CADM2: variants seen among roughly 807,000 people sequenced by gnomAD.
CADM2 encodes cell adhesion molecule 2.
A neutral mutation model predicts 49.8 loss-of-function variants in CADM2; 12 were observed. The ratio of observed to expected loss-of-function variants is 0.24; its 90% CI spans 0.15 to 0.39. The LOEUF is 0.39. Ranked by LOEUF, CADM2 falls within the 10% of genes least tolerant of loss-of-function variation. CADM2 has a pLI of 1.00. For missense variants in CADM2, 378 were observed against 492.3 expected, an observed-to-expected ratio of 0.77 and a Z score of 2.20; for synonymous variants, 214 against 175.4, an observed-to-expected ratio of 1.22 and a Z score of -1.74.
chr3:85,967,044 T>C (rs1725566513), intron 8 of CADM2, among the ~76,000 whole-genome samples: 1 of 151,698 alleles, frequency 6.6e-6, no homozygotes, highest in Admixed American at 6.6e-5. Context: ...TAAGAATCAA[T>C]AAGATTGCTA....
chr3:85,966,425 T>C (rs1164062737), intron 8 of CADM2, among the ~76,000 whole-genome samples: 1 of 151,754 alleles, frequency 6.6e-6, no homozygotes, highest in East Asian at 1.9e-4. Context: ...AAAATTATTT[T>C]ACCACTGTGC....
chr3:85,069,061 G>A (rs1439919044), intron 1 of CADM2, among the ~76,000 whole-genome samples: 6 of 151,958 alleles, frequency 3.9e-5, no homozygotes, highest in African/African-American at 7.2e-5. Context: ...TGCTCTCAAA[G>A]GAAAGCTGAG....
intron 1 of CADM2, among the ~76,000 whole-genome samples, chr3:85,696,898 A>C: frequency 6.6e-6 from 1 of 151,800 alleles, no homozygotes; most frequent in East Asian, 1.9e-4. Context: ...TCAAATTCTA[A>C]AAACTAAGAA....
chr3:85,036,033 T>C (rs1281409218), intron 1 of CADM2, among the ~76,000 whole-genome samples: 1 of 152,204 alleles, frequency 6.6e-6, no homozygotes, highest in African/African-American at 2.4e-5. Flanking sequence ...TGACTATGTA[T>C]CACTATCCCT....
chr3:85,910,308 C>G (rs1386962756), intron 5 of CADM2, among the ~76,000 whole-genome samples: 1 of 151,746 alleles, frequency 6.6e-6, no homozygotes, highest in Non-Finnish European at 1.5e-5. Flanking sequence ...GAGCTAGGAA[C>G]AAGTAAACGT....
chr3:85,097,975 C>T (rs1051710919), intron 1 of CADM2, among the ~76,000 whole-genome samples: 12 of 152,092 alleles, frequency 7.9e-5, no homozygotes, highest in African/African-American at 2.9e-4. Flanking sequence ...GTGGAATAAA[C>T]TCTTTTTCAG....
At chr3:85,044,618 GA>G (rs1365769252) in intron 1 of CADM2, among the ~76,000 whole-genome samples, 1 of 152,112 alleles carries the variant, frequency 6.6e-6, no homozygotes, top group Non-Finnish European at 1.5e-5. Flanking sequence ...TCTGGGCTAA[GA>G]TATTGTACAA....
At chr3:85,410,761 AG>A (rs1442376805) in intron 1 of CADM2, among the ~76,000 whole-genome samples, 1 of 152,214 alleles carries the variant, frequency 6.6e-6, no homozygotes, top group Admixed American at 6.5e-5. Context: ...CACCACTGAA[AG>A]CTCTTTGTAG....
At position 85,990,902 on chromosome 3, in the gene CADM2, C is replaced by G. The variant is rs1051325025; in HGVS notation, c.970+29255C>G. 1.2e-4 allele frequency among the ~76,000 whole-genome samples: 19 copies of G among 152,074 alleles called. 1 individual carries two copies. The highest frequency in any genetic ancestry group is 1.3e-4 in the Non-Finnish European group (9 of 68,014). ...GTTAAGTGTGGCACATTATGCCAAC[C>G]CCCCAAAATGCCATTTTGTCATAAG... On this transcript the variant is annotated intron_variant, in intron 8 of 9. Coordinates refer to ENST00000383699, the MANE Select transcript of CADM2 (RefSeq NM_001167675.2).
chr3:86,000,688 A>G (rs1183303305), intron 8 of CADM2, among the ~76,000 whole-genome samples: 1 of 152,046 alleles, frequency 6.6e-6, no homozygotes, highest in Admixed American at 6.5e-5. Context: ...CAGAAAGAAA[A>G]AAAAAAAGCT....
chr3:85,112,440 G>A (rs978107874), intron 1 of CADM2, among the ~76,000 whole-genome samples: 16 of 150,966 alleles, frequency 1.1e-4, no homozygotes, highest in African/African-American at 3.9e-4. Context: ...AAATCATAAA[G>A]TGTTAAAGAT....
chr3:86,044,842 A>T (rs1736446381), intron 8 of CADM2, among the ~76,000 whole-genome samples: 1 of 152,196 alleles, frequency 6.6e-6, no homozygotes, highest in Admixed American at 6.5e-5. Context: ...GGATTAAGAA[A>T]ATGTGTCACA....
intron 1 of CADM2, among the ~76,000 whole-genome samples, chr3:85,240,217 G>T (rs988100981): frequency 6.6e-6 from 1 of 151,346 alleles, no homozygotes; most frequent in African/African-American, 2.4e-5. Flanking sequence ...GTAGATGGAT[G>T]GGAAATAGGT....
At chr3:85,876,826 A>T (rs1166996929) in intron 3 of CADM2, among the ~76,000 whole-genome samples, 3 of 152,146 alleles carry the variant, frequency 2.0e-5, no homozygotes, top group Non-Finnish European at 4.4e-5. Context: ...TCTAAAACTA[A>T]CTAATATACA....
chr3:85,722,079 C>T (rs918432891), intron 1 of CADM2, among the ~76,000 whole-genome samples: 2 of 152,038 alleles, frequency 1.3e-5, no homozygotes, highest in African/African-American at 4.8e-5. Context: ...CTTTCTGCAG[C>T]TCGTCTTCCT....
At chr3:85,019,207 G>T (rs1418550298) in intron 1 of CADM2, among the ~76,000 whole-genome samples, 1 of 152,212 alleles carries the variant, frequency 6.6e-6, no homozygotes, top group South Asian at 2.1e-4. Flanking sequence ...TGCTGGGCAG[G>T]TGTGGTGGCT....
chr3:85,196,035 A>G (rs188909047), intron 1 of CADM2, among the ~76,000 whole-genome samples: 12 of 152,156 alleles, frequency 7.9e-5, no homozygotes, highest in African/African-American at 2.9e-4. Context: ...GAGTCTGACA[A>G]TTATGCACAT....
chr3:85,109,302 G>A (rs74823734), intron 1 of CADM2, among the ~76,000 whole-genome samples: 7,296 of 151,732 alleles, frequency 0.048, 254 homozygotes, highest in East Asian at 0.14. Context: ...AAAAGAAATC[G>A]CAAGTGAAAA....
At chr3:85,559,676 A>G (rs1559909753) in intron 1 of CADM2, among the ~76,000 whole-genome samples, 2 of 127,422 alleles carry the variant, frequency 1.6e-5, no homozygotes. Context: ...ACACACACAC[A>G]CACACACACA....
Sources: allele counts gnomAD v4.1 joint callset (sites outside exome capture counted in the v4.1 genomes callset), GRCh38; gene constraint gnomAD v4.1.1; transcripts MANE v1.5; gene names NCBI Gene and HGNC (gene_info 2026-07-23, HGNC 2026-07-21).